FANK1: variants seen among roughly 807,000 people sequenced by gnomAD.
The protein encoded by FANK1 is fibronectin type 3 and ankyrin repeat domains protein 1.
In FANK1, 44 loss-of-function variants were observed where a neutral mutation model predicts 45.3. The ratio of observed to expected loss-of-function variants is 0.97; its 90% CI spans 0.76 to 1.25. The LOEUF (loss-of-function observed/expected upper bound fraction) is 1.25. FANK1 is among the 50% of genes most tolerant of loss of function. The pLI is 0.00. For missense variants in FANK1, 391 were observed against 424.4 expected, an observed-to-expected ratio of 0.92 and a Z score of 0.69; for synonymous variants, 149 against 152.5, an observed-to-expected ratio of 0.98 and a Z score of 0.17.
chr10:125,972,076 G>A (rs926208749), intron 1 of FANK1: 2 of 152,180 alleles, frequency 1.3e-5, no homozygotes, highest in Non-Finnish European at 2.9e-5. Flanking sequence ...TAACTTCTCT[G>A]TGCCTCAGAT....
In FANK1 at chr10:125,995,304, A is replaced by G. The variant is rs781372202; in HGVS notation, c.317-113A>G. 8.0e-5 allele frequency: 72 copies of G among 902,244 alleles called. 1 individual carries two copies. The highest frequency in any genetic ancestry group is 5.1e-4 in the Middle Eastern group (2 of 3,884). The allele number at this position is 902,244 out of a possible 1,614,324, so 55.9% of individuals were successfully genotyped here. On this transcript the variant is annotated intron_variant, in intron 3 of 10. Transcript: ENST00000368693. The stretch of plus-strand genomic sequence containing the variant: ...GAAATGTAAGATATACTTAACAGGA[A>G]TAGCCAAGCGCCTTCCTGAAGATGA...
chr10:125,962,124 C>T (rs374902084), intron 1 of FANK1, among the ~76,000 whole-genome samples: 4 of 152,142 alleles, frequency 2.6e-5, no homozygotes, highest in South Asian at 2.1e-4. Context: ...CCAAGGAGCT[C>T]GAACATCTCA....
chr10:125,903,476 C>T (rs1945219354), intron 1 of FANK1, among the ~76,000 whole-genome samples: 1 of 152,224 alleles, frequency 6.6e-6, no homozygotes, highest in African/African-American at 2.4e-5. Context: ...GAAACTCTTC[C>T]AGGCCTTTTC....
At chr10:125,994,970 AT>A in intron 3 of FANK1, 1 of 981,888 alleles carries the variant, frequency 1.0e-6, no homozygotes, top group Non-Finnish European at 1.2e-6. Flanking sequence ...TGTAAGTCAC[AT>A]TCCTGGGAAG....
chr10:125,960,325 C>T, intron 1 of FANK1: 2 of 251,814 alleles, frequency 7.9e-6, no homozygotes, highest in South Asian at 4.7e-5. Context: ...GCCTGAGAGA[C>T]CTTGATCCTC....
intron 2 of FANK1, among the ~76,000 whole-genome samples, chr10:125,982,399 C>T (rs1368969820): frequency 6.6e-6 from 1 of 152,240 alleles, no homozygotes; most frequent in East Asian, 1.9e-4. Flanking sequence ...ACTCTGACGA[C>T]AGCCTGGCAT....
At chr10:125,993,303 C>T (rs1016701992) in intron 3 of FANK1, among the ~76,000 whole-genome samples, 1 of 152,116 alleles carries the variant, frequency 6.6e-6, no homozygotes, top group Non-Finnish European at 1.5e-5. Flanking sequence ...AATGGGATAA[C>T]AGAGACTTTT....
intron 1 of FANK1, among the ~76,000 whole-genome samples, chr10:125,908,320 C>T (rs1257761084): frequency 6.6e-6 from 1 of 152,066 alleles, no homozygotes; most frequent in Non-Finnish European, 1.5e-5. Flanking sequence ...TATAGCAGCA[C>T]AATCTGCAAC....
chr10:125,950,154 A>G (rs1368650446), intron 1 of FANK1, among the ~76,000 whole-genome samples: 1 of 150,188 alleles, frequency 6.7e-6, no homozygotes, highest in East Asian at 1.9e-4. Flanking sequence ...ACCTAAAACC[A>G]TAAAAACCCT....
chr10:125,991,866 A>G (rs1229742580), intron 3 of FANK1, among the ~76,000 whole-genome samples: 1 of 152,142 alleles, frequency 6.6e-6, no homozygotes, highest in Non-Finnish European at 1.5e-5. Context: ...CTGCAACTAA[A>G]TGACCCTCTT....
intron 1 of FANK1, among the ~76,000 whole-genome samples, chr10:125,948,491 G>C (rs936363130): frequency 2.0e-5 from 3 of 152,156 alleles, no homozygotes; most frequent in Admixed American, 2.0e-4. Flanking sequence ...ACACCTCTAC[G>C]CAAATAAATT....
chr10:125,913,388 C>T lies in FANK1; in HGVS notation c.13+16733C>T, dbSNP rs183168054. ...ACACCTAAACCCTTTAGCAGTCGGC[C>T]AAAAGGAGGAAGGAGGGCGTGTTTA... On this transcript the variant is annotated intron_variant, in intron 1 of 10. Transcript: ENST00000368693. 6.6e-5 allele frequency among the ~76,000 whole-genome samples: 10 copies of T among 152,228 alleles called. No homozygotes were observed. The East Asian group carries it at 1.2e-3, about 18-fold the overall frequency.
rs763476737 is a variant in FANK1 at position 125,995,405 on chromosome 10, T to C, written c.317-12T>C. ...ATGTTCTGGATGACTGCCTTCCATCTCATTTCTCCAGGAGAGCCCATAAGT... is the reference window on the plus strand; with the variant it reads ...ATGTTCTGGATGACTGCCTTCCATCCCATTTCTCCAGGAGAGCCCATAAGT... On this transcript the variant is annotated splice_polypyrimidine_tract_variant and intron_variant, in intron 3 of 10. Coordinates refer to ENST00000368693, the MANE Select transcript of FANK1 (RefSeq NM_145235.5). The C allele has an allele frequency of 1.9e-6, 3 of 1,613,702 alleles. No individual in the cohort carries two copies. In the South Asian group the frequency reaches 3.3e-5, roughly 18 times the overall value.
intron 1 of FANK1, among the ~76,000 whole-genome samples, chr10:125,956,879 C>T (rs548558055): frequency 2.4e-3 from 367 of 152,286 alleles, no homozygotes; most frequent in Non-Finnish European, 4.1e-3. Flanking sequence ...GTGACAATCT[C>T]GCTCTGTTGT....
At chr10:125,978,194 C>T (rs1366858218) in intron 1 of FANK1, among the ~76,000 whole-genome samples, 2 of 152,196 alleles carry the variant, frequency 1.3e-5, no homozygotes, top group Non-Finnish European at 2.9e-5. Flanking sequence ...CTGTCCCTCC[C>T]TCTGGGAGCT....
intron 1 of FANK1, among the ~76,000 whole-genome samples, chr10:125,919,134 TG>T (rs1946733231): frequency 6.7e-6 from 1 of 148,892 alleles, no homozygotes; most frequent in Non-Finnish European, 1.5e-5. Context: ...TGCATTGGCC[TG>T]GGGAAGTGTT....
chr10:125,993,397 T>G (rs1482472863), intron 3 of FANK1, among the ~76,000 whole-genome samples: 2 of 152,196 alleles, frequency 1.3e-5, no homozygotes, highest in Non-Finnish European at 2.9e-5. Context: ...AAAGTATAGA[T>G]GAGACGCATC....
intron 1 of FANK1, among the ~76,000 whole-genome samples, chr10:125,954,670 G>A (rs556505853): frequency 9.9e-5 from 15 of 151,914 alleles, no homozygotes; most frequent in South Asian, 4.2e-4. Context: ...CTGTAATCCC[G>A]GCACTTTGGG....
chr10:125,926,025 T>C (rs1947320750), intron 1 of FANK1, among the ~76,000 whole-genome samples: 1 of 152,222 alleles, frequency 6.6e-6, no homozygotes, highest in Non-Finnish European at 1.5e-5. Flanking sequence ...GTTTATATTC[T>C]TTTAGTAACT....
Sources: gnomAD v4.1 joint callset for allele counts (sites outside exome capture counted in the v4.1 genomes callset) on GRCh38, gnomAD v4.1.1 for gene constraint, MANE v1.5 for transcripts, NCBI Gene and HGNC (gene_info 2026-07-23, HGNC 2026-07-21) for gene names.